Variants in TNRC6B observed in about 807,000 individuals in gnomAD.
The protein encoded by TNRC6B is trinucleotide repeat containing adaptor 6B.
In TNRC6B, 52 loss-of-function variants were observed where a neutral mutation model predicts 203.6. The observed-to-expected ratio is 0.26, with a 90% CI of 0.20 to 0.32. The LOEUF (loss-of-function observed/expected upper bound fraction) is 0.32. TNRC6B is among the 10% of genes least tolerant of loss of function. The pLI, the probability that TNRC6B is intolerant of heterozygous loss-of-function variation, is 1.00. For missense variants in TNRC6B, 1,923 were observed against 2,286.2 expected (o/e 0.84, Z 3.24); for synonymous variants, 838 against 845.7 (o/e 0.99, Z 0.16).
At chr22:40,191,261 A>T (rs931655930) in intron 1 of TNRC6B, among the ~76,000 whole-genome samples, 1 of 152,158 alleles carries the variant, frequency 6.6e-6, no homozygotes, top group African/African-American at 2.4e-5. Context: ...TGGTAAAGGG[A>T]TAGTAATAGT....
intron 1 of TNRC6B, among the ~76,000 whole-genome samples, chr22:40,088,688 C>T (rs1224272962): frequency 1.3e-5 from 2 of 151,194 alleles, no homozygotes; most frequent in Non-Finnish European, 1.5e-5. Flanking sequence ...CTCCTGACCT[C>T]AGGTGATCCA....
intron 1 of TNRC6B, among the ~76,000 whole-genome samples, chr22:40,081,833 TA>T (rs1458216021): frequency 3.9e-5 from 6 of 152,170 alleles, no homozygotes; most frequent in Non-Finnish European, 8.8e-5. Context: ...TGAAACTCAA[TA>T]CTTAGCCAAG....
chr22:40,169,437 C>T (rs2068950402), intron 4 of TNRC6B, among the ~76,000 whole-genome samples: 1 of 152,046 alleles, frequency 6.6e-6, no homozygotes, highest in Non-Finnish European at 1.5e-5. Context: ...GTCTGGAGTC[C>T]TATTTTTGAA....
chr22:40,285,396 T>C (rs1266742404), intron 11 of TNRC6B, among the ~76,000 whole-genome samples: 1 of 152,242 alleles, frequency 6.6e-6, no homozygotes, highest in Admixed American at 6.5e-5. Context: ...AATGTAGGAC[T>C]TTTCCTAATA....
rs1601468422 is a variant in TNRC6B, at chr22:40,264,882, A to T, written c.652A>T (p.Asn218Tyr). ...ATCTTCTTCCGAAAACACCACCGAT[A>T]ACAACAGTGCCTCGAACCCTGGCTC... The part of the protein sequence containing the change: ...TESSSENTTD[N>Y]NSASNPGSEK... Residue 218 changes from asparagine to tyrosine, a missense_variant, in exon 5 of 23, where the codon AAC (asparagine) becomes TAC (tyrosine). Around this residue, in one of 8 missense-constraint regions of TNRC6B, gnomAD observed 614 missense variants for 587.7 expected, o/e 1.04. Transcript: ENST00000454349. 2 of 1,613,960 alleles carry T rather than the reference A, an allele frequency of 1.2e-6. No individual in the cohort carries two copies. The highest frequency in any genetic ancestry group is 2.2e-5 in the East Asian group (1 of 44,870).
rs138943776 is a variant in TNRC6B, at chr22:40,298,105, A to G, written c.3709-2350A>G. ...GCGCCACTGCACTCCAGCCTGAGCA[A>G]CAGAGCGAGACTCCATCTCAAAAAA... On this transcript the variant is annotated intron_variant, in intron 12 of 22. Coordinates refer to ENST00000454349, the MANE Select transcript of TNRC6B (RefSeq NM_001162501.2). Among the ~76,000 whole-genome samples, 673 of 152,234 alleles carry G rather than the reference A, an allele frequency of 4.4e-3. 2 individuals are homozygous for G. Among genetic ancestry groups the G allele is most frequent in the Admixed American group, 7.6e-3 (116 of 15,288 alleles).
chr22:40,330,508 A>C lies in TNRC6B; in HGVS notation c.*7267A>C, dbSNP rs1301206132. On this transcript the variant is annotated 3_prime_UTR_variant, in exon 23 of 23. Coordinates refer to ENST00000454349, the MANE Select transcript of TNRC6B (RefSeq NM_001162501.2). Reference sequence around the variant, plus strand: ...TTCGCCAAAAATGGGAAAGGTGGGTATTTAGGCAAAACAAAATAAAAACCT... The same window carrying C: ...TTCGCCAAAAATGGGAAAGGTGGGTCTTTAGGCAAAACAAAATAAAAACCT... 6.6e-6 allele frequency: 1 copy of C among 152,458 alleles called. No homozygotes were observed. The highest frequency in any genetic ancestry group is 2.4e-5 in the African/African-American group (1 of 41,446). 9.4% of individuals were successfully genotyped at this position (152,458 alleles called of 1,614,324 possible).
intron 1 of TNRC6B, among the ~76,000 whole-genome samples, chr22:40,185,641 T>A (rs900260002): frequency 6.6e-6 from 1 of 152,158 alleles, no homozygotes. Context: ...GAGGGGAGGT[T>A]GCACACGTGT....
chr22:40,196,405 A>T (rs942068616), intron 1 of TNRC6B, among the ~76,000 whole-genome samples: 16 of 152,048 alleles, frequency 1.1e-4, no homozygotes, highest in African/African-American at 2.7e-4. Flanking sequence ...ACTGGTACTT[A>T]ATAGATCTAG....
chr22:40,212,052 G>A (rs1202008683), intron 1 of TNRC6B, among the ~76,000 whole-genome samples: 1 of 152,190 alleles, frequency 6.6e-6, no homozygotes, highest in Middle Eastern at 3.2e-3. Context: ...TCCTCACCAA[G>A]ATGAAGTTCA....
At chr22:40,209,044 CT>C (rs2069524061) in intron 1 of TNRC6B, among the ~76,000 whole-genome samples, 1 of 152,206 alleles carries the variant, frequency 6.6e-6, no homozygotes, top group African/African-American at 2.4e-5. Context: ...TGCCTATCCC[CT>C]GTTCATTTTA....
chr22:40,235,029 C>T (rs5757882), intron 1 of TNRC6B, among the ~76,000 whole-genome samples: 48,800 of 152,070 alleles, frequency 0.32, 9,592 homozygotes, highest in East Asian at 0.57. Flanking sequence ...GCTTAACTCT[C>T]TTCATTGTAC....
chr22:40,301,062 A>T, intron 14 of TNRC6B, 57 bp downstream of exon 14: 1 of 1,579,854 alleles, frequency 6.3e-7, no homozygotes, highest in Non-Finnish European at 8.6e-7. Flanking sequence ...ATCCCGGCTT[A>T]GCCTCTGATG....
Position 40,165,414 on chromosome 22 carries a change from A to G in TNRC6B, c.113+9232A>G, listed in dbSNP as rs180824668. 2.1e-3 allele frequency among the ~76,000 whole-genome samples: 325 copies of G among 152,172 alleles called. 2 individuals are homozygous for G. The highest frequency in any genetic ancestry group is 6.7e-3 in the African/African-American group (280 of 41,526). On this transcript the variant is annotated intron_variant, in intron 4 of 23. Coordinates refer to the TNRC6B transcript ENST00000301923. ...TGGTTTTGAACTCCTGGACTCAAGC[A>G]GTCCTCCCACCTCAACCGCCCAAAG...
intron 1 of TNRC6B, among the ~76,000 whole-genome samples, chr22:40,209,873 A>G (rs1280015357): frequency 6.6e-6 from 1 of 151,824 alleles, no homozygotes; most frequent in Non-Finnish European, 1.5e-5. Flanking sequence ...ACAAAAATGA[A>G]CCGGACATGG....
chr22:40,130,116 G>T (rs1351644441), intron 3 of TNRC6B, among the ~76,000 whole-genome samples: 1 of 152,186 alleles, frequency 6.6e-6, no homozygotes, highest in Non-Finnish European at 1.5e-5. Flanking sequence ...TCAAGTGAAA[G>T]ATTTTTTTTA....
Position 40,266,773 on chromosome 22 carries a change from C to T in TNRC6B, c.2543C>T (p.Pro848Leu). 2 of 1,613,466 alleles carry T rather than the reference C, an allele frequency of 1.2e-6. No individual in the cohort carries two copies. The highest frequency in any genetic ancestry group is 1.7e-6 in the Non-Finnish European group (2 of 1,179,604). ...GSWGGPPPPP[P>L]GNVRPSNSSW... ...TGGGGAGGCCCACCCCCACCACCTC[C>T]AGGCAACGTTCGACCTTCCAATTCC... is the stretch of plus-strand genomic sequence containing the variant. The change falls in exon 5 of 23, where the codon CCA (proline) becomes CTA (leucine). Residue 848 changes from proline to leucine, a missense_variant. Pro to Leu is a moderately conservative substitution (Grantham distance 98). Transcript: ENST00000454349.
At chr22:40,222,714 TTCTC>T (rs1555890997) in intron 1 of TNRC6B, among the ~76,000 whole-genome samples, 8 of 144,882 alleles carry the variant, frequency 5.5e-5, no homozygotes, top group East Asian at 2.0e-4. Context: ...TCTTGCTGTA[TTCTC>T]TCTCTCTCTC....
chr22:40,296,334 T>A (rs2070940752), intron 12 of TNRC6B, among the ~76,000 whole-genome samples: 2 of 149,084 alleles, frequency 1.3e-5, no homozygotes, highest in South Asian at 4.3e-4. Context: ...GAATTTTTTT[T>A]TTTTTTTTTT....
Sources: allele counts gnomAD v4.1 joint callset (sites outside exome capture counted in the v4.1 genomes callset), GRCh38; gene constraint gnomAD v4.1.1; regional missense constraint gnomAD v4.1.1; transcripts MANE v1.5; gene names NCBI Gene and HGNC (gene_info 2026-07-23, HGNC 2026-07-21).